Variants in CLVS1 observed in about 807,000 individuals in gnomAD.
CLVS1 encodes the protein clavesin-1.
In CLVS1, 10 loss-of-function variants were observed where a neutral mutation model predicts 33.1. The ratio of observed to expected loss-of-function variants is 0.30; its 90% CI spans 0.19 to 0.51. The LOEUF (loss-of-function observed/expected upper bound fraction) is 0.51. Among genes scored for constraint, CLVS1 ranks in the 20% least tolerant of loss-of-function variants. The pLI, the probability that CLVS1 is intolerant of heterozygous loss-of-function variation, is 0.97. For missense variants in CLVS1, 343 were observed against 433.4 expected (o/e 0.79, Z 1.85); for synonymous variants, 163 against 166.1 (o/e 0.98, Z 0.14).
intron 2 of CLVS1, among the ~76,000 whole-genome samples, chr8:61,280,686 A>G (rs935628383): frequency 6.6e-6 from 1 of 152,254 alleles, no homozygotes; most frequent in Non-Finnish European, 1.5e-5. Context: ...TCATGGCAAC[A>G]AAGTCCCTTA....
At chr8:61,181,262 G>T (rs961306354) in intron 2 of CLVS1, among the ~76,000 whole-genome samples, 3 of 152,024 alleles carry the variant, frequency 2.0e-5, no homozygotes, top group South Asian at 4.1e-4. Flanking sequence ...AAATATCTAG[G>T]AATACAGCTA....
chr8:61,057,411 CA>C (rs1361400515), intron 1 of CLVS1, among the ~76,000 whole-genome samples: 1,522 of 145,996 alleles, frequency 0.01, 13 homozygotes, highest in Non-Finnish European at 0.013. Context: ...CACACACACA[CA>C]CCCCATCCAA....
rs372211850 is a variant in CLVS1, at chr8:61,362,161, C to T, written c.456-14444C>T. ...TCAGGAAAAGGGCTCAGAGTTTGGT[C>T]AAGATGGGAGTCATTGTCAATACTC... On this transcript the variant is annotated intron_variant, in intron 2 of 5. Transcript: ENST00000325897. 2.1e-3 allele frequency among the ~76,000 whole-genome samples: 323 copies of T among 152,208 alleles called. 2 individuals are homozygous for T. Among genetic ancestry groups the T allele is most frequent in the African/African-American group, 7.2e-3 (298 of 41,522 alleles).
chr8:61,193,960 G>A (rs531741424), intron 2 of CLVS1, among the ~76,000 whole-genome samples: 8 of 152,012 alleles, frequency 5.3e-5, no homozygotes, highest in Admixed American at 2.0e-4. Context: ...TCCATTCTAA[G>A]TACTTGTAAT....
At chr8:61,039,603 C>T in the CLVS1 span, among the ~76,000 whole-genome samples, 4 of 152,056 alleles carry the variant, frequency 2.6e-5, no homozygotes, top group African/African-American at 4.8e-5. Flanking sequence ...AGTGCAGCGG[C>T]GTGATCACAG....
intron 2 of CLVS1, among the ~76,000 whole-genome samples, chr8:61,317,599 T>G (rs1811057016): frequency 6.6e-6 from 1 of 152,172 alleles, no homozygotes; most frequent in Non-Finnish European, 1.5e-5. Context: ...GAGCACCCAT[T>G]TCTCCTTAGC....
intron 5 of CLVS1, among the ~76,000 whole-genome samples, chr8:61,474,578 A>G (rs1817845499): frequency 6.6e-6 from 1 of 152,186 alleles, no homozygotes; most frequent in Non-Finnish European, 1.5e-5. Context: ...CTAATAGCAA[A>G]GATCCAGTAA....
chr8:61,028,684 A>G, the CLVS1 span, among the ~76,000 whole-genome samples: 53 of 152,124 alleles, frequency 3.5e-4, no homozygotes, highest in African/African-American at 6.5e-4. Context: ...GGGCCCTTCT[A>G]TGGGGATGGG....
At chr8:61,384,245 C>A (rs2129602109) in intron 3 of CLVS1, among the ~76,000 whole-genome samples, 1 of 152,282 alleles carries the variant, frequency 6.6e-6, no homozygotes, top group South Asian at 2.1e-4. Flanking sequence ...GCCCCTGCAC[C>A]ATGCTAAGGA....
chr8:61,091,787 A>C (rs894119451), intron 1 of CLVS1, among the ~76,000 whole-genome samples: 2 of 152,242 alleles, frequency 1.3e-5, no homozygotes, highest in African/African-American at 4.8e-5. Context: ...TAACAATGAC[A>C]CATAAAATTA....
the CLVS1 span, among the ~76,000 whole-genome samples, chr8:61,050,088 C>A: frequency 6.6e-6 from 1 of 152,232 alleles, no homozygotes; most frequent in Non-Finnish European, 1.5e-5. Flanking sequence ...GGACTTAACT[C>A]TTTGGAGTCT....
Position 61,499,491 on chromosome 8 carries a change from T to C in CLVS1, c.1014T>C (p.His338=). 3.1e-6 allele frequency: 5 copies of C among 1,613,734 alleles called. No homozygotes were observed. The highest frequency in any genetic ancestry group is 4.2e-6 in the Non-Finnish European group (5 of 1,179,730). The change falls in exon 6 of 6, where the codon CAT becomes CAC. Residue 338 remains histidine (H), a synonymous_variant. Transcript: ENST00000325897. ...TGGTAGAAGCTGGGACCCTGAAACA[T>C]GAGGAGAAGGGAGAGAATGAGAACA... ...QSVVEAGTLK[H]EEKGENENTQ... is the part of the protein sequence containing the mutation.
chr8:61,236,603 A>T (rs1808565194), intron 2 of CLVS1, among the ~76,000 whole-genome samples: 1 of 152,152 alleles, frequency 6.6e-6, no homozygotes, highest in African/African-American at 2.4e-5. Context: ...CTGGGTGGGC[A>T]GCCTTTTTCT....
At chr8:61,366,002 G>GT (rs1813196787) in intron 2 of CLVS1, among the ~76,000 whole-genome samples, 1 of 152,128 alleles carries the variant, frequency 6.6e-6, no homozygotes, top group East Asian at 1.9e-4. Context: ...ACTCTTCCTA[G>GT]TTTTTACTTT....
intron 2 of CLVS1, among the ~76,000 whole-genome samples, chr8:61,233,217 A>G (rs555219206): frequency 2.0e-5 from 3 of 152,316 alleles, no homozygotes; most frequent in Admixed American, 2.0e-4. Flanking sequence ...CTACCAGACA[A>G]GTTAAGCAAG....
the CLVS1 span, among the ~76,000 whole-genome samples, chr8:61,033,161 A>AAAG: frequency 3.3e-5 from 3 of 92,130 alleles, 1 homozygote; most frequent in East Asian, 6.2e-4. Flanking sequence ...GAAAGAAAGA[A>AAAG]AAAGAAAGAA....
upstream of CLVS1, among the ~76,000 whole-genome samples, chr8:61,055,488 A>G (rs552743139): frequency 6.6e-6 from 1 of 152,364 alleles, no homozygotes; most frequent in African/African-American, 2.4e-5. Context: ...CTGAAAAGGA[A>G]TATTCTACTT....
the CLVS1 span, among the ~76,000 whole-genome samples, chr8:61,044,070 C>T: frequency 3.9e-5 from 6 of 152,246 alleles, no homozygotes; most frequent in Non-Finnish European, 8.8e-5. Context: ...TGGAAGGATG[C>T]TACTTTGGAG....
chr8:60,984,548 G>A, the CLVS1 span, among the ~76,000 whole-genome samples: 1 of 152,066 alleles, frequency 6.6e-6, no homozygotes, highest in East Asian at 1.9e-4. Context: ...GGCTGGTCTC[G>A]AACTCCTGAC....
Sources: gnomAD v4.1 joint callset for allele counts (sites outside exome capture counted in the v4.1 genomes callset) on GRCh38, gnomAD v4.1.1 for gene constraint, MANE v1.5 for transcripts, NCBI Gene and HGNC (gene_info 2026-07-23, HGNC 2026-07-21) for gene names.